Variants in ANAPC4 observed in about 807,000 individuals in gnomAD.
ANAPC4 encodes anaphase-promoting complex subunit 4.
Under a neutral mutation model 119.8 loss-of-function variants are expected in ANAPC4, and 63 were observed. The observed-to-expected ratio is 0.53, with a 90% confidence interval of 0.43 to 0.65. The LOEUF (loss-of-function observed/expected upper bound fraction) is 0.65, where lower values mean the gene tolerates loss of function less well. Ranked by LOEUF, ANAPC4 falls within the 30% of genes least tolerant of loss-of-function variation. The pLI, the probability that ANAPC4 is intolerant of heterozygous loss-of-function variation, is 0.00. For synonymous variants in ANAPC4, 283 were observed against 318.6 expected, an observed-to-expected ratio of 0.89 and a Z score of 1.19; for missense variants, 716 against 945.1, an observed-to-expected ratio of 0.76 and a Z score of 3.18.
intron 21 of ANAPC4, chr4:25,412,937 C>T (rs1475296914): frequency 6.6e-6 from 1 of 152,078 alleles, no homozygotes; most frequent in African/African-American, 2.4e-5. Flanking sequence ...ATGGCTTTAT[C>T]TAAGGGAGGG....
At chr4:25,381,508 C>G (rs1475984213) in intron 3 of ANAPC4, among the ~76,000 whole-genome samples, 1 of 152,154 alleles carries the variant, frequency 6.6e-6, no homozygotes, top group Non-Finnish European at 1.5e-5. Context: ...GAAAAGGTTT[C>G]ACTGTGTTGG....
intron 16 of ANAPC4, among the ~76,000 whole-genome samples, chr4:25,401,418 G>C (rs181324824): frequency 1.2e-4 from 18 of 152,266 alleles, no homozygotes; most frequent in Non-Finnish European, 2.5e-4. Context: ...GTTTGTTTTT[G>C]ACTGGAGAGT....
At position 25,388,853 on chromosome 4, in the gene ANAPC4, T is replaced by C. The variant is rs1417923428; in HGVS notation, c.486T>C (p.Asp162=). ...TSKIFSEENS[D]EIIKLLGDVR... ...TATATTTTAGTGAAGAAAATTCTGA[T>C]GAAATTATTAAGCTCTTGGGAGACG... is the stretch of plus-strand genomic sequence containing the variant. Residue 162 remains aspartate (D), a synonymous_variant, in exon 7 of 29, where the codon GAT becomes GAC. Coordinates refer to ENST00000315368, the MANE Select transcript of ANAPC4 (RefSeq NM_013367.3). 1.2e-6 allele frequency: 2 copies of C among 1,604,758 alleles called. No homozygotes were observed. The highest frequency in any genetic ancestry group is 1.7e-6 in the Non-Finnish European group (2 of 1,174,290).
intron 16 of ANAPC4, among the ~76,000 whole-genome samples, chr4:25,402,084 T>C (rs1723009722): frequency 6.6e-6 from 1 of 152,212 alleles, no homozygotes; most frequent in Non-Finnish European, 1.5e-5. Flanking sequence ...GTTGAACATA[T>C]TGACTGCACA....
In ANAPC4 at chr4:25,393,913, A is replaced by G. The variant is rs746093986; in HGVS notation, c.876+22A>G. 1.4e-5 allele frequency: 22 copies of G among 1,577,842 alleles called. 1 individual carries two copies. The East Asian group carries it at 4.5e-4, about 32-fold the overall frequency. On this transcript the variant is annotated intron_variant, in intron 11 of 28. Coordinates refer to ENST00000315368, the MANE Select transcript of ANAPC4 (RefSeq NM_013367.3). ...GCAGGTAAAGCAGCTGAAGTTTCCCATGGAGAGAGTTAAAGAATGCATGAT... is the reference window on the plus strand; with the variant it reads ...GCAGGTAAAGCAGCTGAAGTTTCCCGTGGAGAGAGTTAAAGAATGCATGAT...
chr4:25,391,421 T>C (rs1722339121), intron 9 of ANAPC4, among the ~76,000 whole-genome samples: 1 of 152,252 alleles, frequency 6.6e-6, no homozygotes, highest in African/African-American at 2.4e-5. Flanking sequence ...GATACTGTTA[T>C]TATCCCCATT....
rs1254172463 is a variant in ANAPC4 at position 25,414,446 on chromosome 4, CT to C, written c.1686-15del. 6.3e-7 allele frequency: 1 copy of C among 1,598,854 alleles called. No homozygotes were observed. On this transcript the variant is annotated intron_variant, in intron 23 of 28. Coordinates refer to ENST00000315368, the MANE Select transcript of ANAPC4 (RefSeq NM_013367.3). ...CAGCCAATTTAAATTTTTCTCATTT[CT>C]TTTTCCCTTTTATTTTAGTGAGGAT...
At position 25,416,592 on chromosome 4, in the gene ANAPC4, C is replaced by T. The variant is rs764373002; in HGVS notation, c.2069C>T (p.Ser690Phe). ...GAATATCAGTTCACTGGGACTTATT[C>T]TACAAGGTAACTAGTAACATTGTCT... ...SAEYQFTGTYSTRLDEQCSAI... is the reference protein window; with the variant it reads ...SAEYQFTGTYFTRLDEQCSAI... The change falls in exon 27 of 29, where the codon TCT (serine) becomes TTT (phenylalanine). Residue 690 changes from serine (S) to phenylalanine (F), a missense_variant. Physicochemically the swap from Ser to Phe is radical, Grantham distance 155. This residue lies in a region of ANAPC4 where 504 missense variants were observed against 615.8 expected (regional missense o/e 0.82). Coordinates refer to ENST00000315368, the MANE Select transcript of ANAPC4 (RefSeq NM_013367.3). 7.9e-6 allele frequency: 12 copies of T among 1,525,906 alleles called. No individual in the cohort carries two copies. The South Asian group carries it at 1.6e-4, about 20-fold the overall frequency. 94.5% of individuals were successfully genotyped at this position (1,525,906 alleles called of 1,614,324 possible).
At chr4:25,386,921 T>C (rs1722067442) in intron 4 of ANAPC4, among the ~76,000 whole-genome samples, 1 of 152,172 alleles carries the variant, frequency 6.6e-6, no homozygotes, top group Non-Finnish European at 1.5e-5. Flanking sequence ...AAAACAAAGC[T>C]CTAGACGAGA....
chr4:25,381,205 A>G (rs1262700096), intron 3 of ANAPC4, among the ~76,000 whole-genome samples: 1 of 152,256 alleles, frequency 6.6e-6, no homozygotes, highest in Admixed American at 6.5e-5. Flanking sequence ...ATTTTTCTGT[A>G]GATAAATATA....
intron 12 of ANAPC4, 44 bp from the exon 13 acceptor site, chr4:25,394,627 T>C (rs772533698): frequency 2.1e-5 from 32 of 1,545,344 alleles, no homozygotes; most frequent in Non-Finnish European, 2.8e-5. Flanking sequence ...GCATTCAGAT[T>C]TCCAATAGAG....
At chr4:25,394,505 G>A (rs454026) in intron 12 of ANAPC4, 131 bp downstream of exon 12, 1 of 1,005,786 alleles carries the variant, frequency 9.9e-7, no homozygotes, top group Non-Finnish European at 1.4e-6. Flanking sequence ...GATACATAAT[G>A]TGTTACATAC....
chr4:25,401,440 C>G (rs575343941), intron 16 of ANAPC4, among the ~76,000 whole-genome samples: 1 of 152,308 alleles, frequency 6.6e-6, no homozygotes, highest in East Asian at 1.9e-4. Context: ...GCCCCCTAGG[C>G]ATTCTTCATG....
At chr4:25,384,300 TTCC>T (rs1721905743) in intron 4 of ANAPC4, among the ~76,000 whole-genome samples, 1 of 152,190 alleles carries the variant, frequency 6.6e-6, no homozygotes, top group Admixed American at 6.5e-5. Flanking sequence ...CTGCAGTTAC[TTCC>T]TCCAGTGAAG....
intron 14 of ANAPC4, chr4:25,395,345 G>C (rs1248171837): frequency 6.5e-6 from 1 of 152,702 alleles, no homozygotes; most frequent in Admixed American, 6.6e-5. Context: ...ACTAAGTGTC[G>C]GAGCCAAGAC....
At chr4:25,412,018 G>A (rs897113679) in intron 21 of ANAPC4, among the ~76,000 whole-genome samples, 1 of 152,152 alleles carries the variant, frequency 6.6e-6, no homozygotes, top group African/African-American at 2.4e-5. Flanking sequence ...AGCCATGCTT[G>A]TTGTCTGACT....
At chr4:25,404,580 G>GT (rs1723156369) in intron 17 of ANAPC4, among the ~76,000 whole-genome samples, 1 of 152,012 alleles carries the variant, frequency 6.6e-6, no homozygotes, top group Non-Finnish European at 1.5e-5. Flanking sequence ...TCTAACTGTA[G>GT]TAAGAATCAG....
At chr4:25,379,474 A>G (rs1721597844) in intron 2 of ANAPC4, among the ~76,000 whole-genome samples, 1 of 152,176 alleles carries the variant, frequency 6.6e-6, no homozygotes, top group South Asian at 2.1e-4. Flanking sequence ...ATCAAGGAAG[A>G]CACCTACTTC....
At chr4:25,411,876 C>T (rs1285323251) in intron 21 of ANAPC4, among the ~76,000 whole-genome samples, 4 of 152,096 alleles carry the variant, frequency 2.6e-5, no homozygotes, top group Admixed American at 1.3e-4. Context: ...TTGACACCAA[C>T]GGGGTGTCCT....
Sources: gnomAD v4.1 joint callset for allele counts (sites outside exome capture counted in the v4.1 genomes callset) on GRCh38, gnomAD v4.1.1 for gene constraint, gnomAD v4.1.1 regional missense constraint, MANE v1.5 for transcripts, NCBI Gene and HGNC (gene_info 2026-07-23, HGNC 2026-07-21) for gene names.